ALDH1L1: variants seen among roughly 807,000 people sequenced by gnomAD.
ALDH1L1 encodes the protein cytosolic 10-formyltetrahydrofolate dehydrogenase.
Under a neutral mutation model 101.1 loss-of-function variants are expected in ALDH1L1, and 68 were observed. The observed-to-expected ratio is 0.67, with a 90% CI of 0.55 to 0.82. ALDH1L1 has a LOEUF of 0.82. Among genes scored for constraint, ALDH1L1 ranks in the 40% least tolerant of loss-of-function variants. The pLI, the probability that ALDH1L1 is intolerant of heterozygous loss-of-function variation, is 0.00. For missense variants in ALDH1L1, 1,087 were observed against 1,172.7 expected (o/e 0.93, Z 1.07); for synonymous variants, 486 against 470.8 (o/e 1.03, Z -0.42).
intron 11 of ALDH1L1, 38 bp downstream of exon 11, chr3:126,136,726 T>C: frequency 6.4e-7 from 1 of 1,553,392 alleles, no homozygotes; most frequent in Non-Finnish European, 8.7e-7. Context: ...ACAGGGAGGC[T>C]GGGGAATGTG....
intron 10 of ALDH1L1, among the ~76,000 whole-genome samples, chr3:126,137,198 T>C (rs1468415713): frequency 2.0e-5 from 3 of 152,196 alleles, no homozygotes; most frequent in African/African-American, 7.2e-5. Flanking sequence ...CCAGACATGC[T>C]ACAACCCACC....
chr3:126,112,559 T>C (rs571926796), intron 19 of ALDH1L1, among the ~76,000 whole-genome samples: 4 of 152,216 alleles, frequency 2.6e-5, no homozygotes, highest in African/African-American at 7.2e-5. Context: ...TTTTTGGTGA[T>C]GTCAGTTTTG....
intron 5 of ALDH1L1, 56 bp downstream of exon 5, chr3:126,155,346 T>C (rs2080883348): frequency 2.6e-6 from 4 of 1,526,796 alleles, no homozygotes; most frequent in African/African-American, 2.8e-5. Context: ...GGCTGCCCTC[T>C]ACAACCCCAG....
upstream of ALDH1L1, chr3:126,181,670 TTGTC>T (rs2081476261): frequency 6.5e-6 from 1 of 154,008 alleles, no homozygotes; most frequent in Non-Finnish European, 1.4e-5. Context: ...TGTTTGTTCA[TTGTC>T]TGTCTCTCCC....
At chr3:126,132,026 A>C (rs1562474) in intron 12 of ALDH1L1, among the ~76,000 whole-genome samples, 2 of 152,346 alleles carry the variant, frequency 1.3e-5, no homozygotes, top group African/African-American at 4.8e-5. Flanking sequence ...CCCCATCCCC[A>C]TCACAGAAGG....
Position 126,187,640 on chromosome 3 carries a change from G to A in ALDH1L1, c.-24+10095C>T, listed in dbSNP as rs1386719665. On this transcript the variant is annotated intron_variant, in intron 1 of 2. Transcript: ENST00000509952. The stretch of plus-strand genomic sequence containing the variant: ...CTCAAGAAGCAGGCACGGAGGAAAA[G>A]GAAACCCATCTCTGAGTTTACCCAA... Among the ~76,000 whole-genome samples the A allele has an allele frequency of 2.0e-5, 3 of 152,164 alleles. No individual in the cohort carries two copies. The East Asian group carries it at 5.8e-4, about 29-fold the overall frequency.
Position 126,130,230 on chromosome 3 carries a change from G to T in ALDH1L1, c.1687C>A (p.Pro563Thr). The change falls in exon 14 of 23, where the codon CCT becomes ACT. Residue 563 changes from proline (P) to threonine (T), a missense_variant. This residue lies in a region of ALDH1L1 where 442 missense variants were observed against 535.7 expected (regional missense o/e 0.83). Transcript: ENST00000393434. ...NRNLTLTRKE[P>T]VGVCGIIIPW... The stretch of plus-strand genomic sequence containing the variant: ...CCCTGGGCAGGAACTCACCCAACAG[G>T]CTCCTTCCTGGTCAAGGTCAGGTTG... 6.2e-7 allele frequency: 1 copy of T among 1,608,436 alleles called. No individual in the cohort carries two copies. The highest frequency in any genetic ancestry group is 1.1e-5 in the South Asian group (1 of 89,966).
chr3:126,118,106 C>A lies in ALDH1L1; in HGVS notation c.1889-8G>T. The A allele has an allele frequency of 8.6e-7, 1 of 1,159,548 alleles. No homozygotes were observed. Among genetic ancestry groups the A allele is most frequent in the Non-Finnish European group, 1.3e-6 (1 of 799,678 alleles). 71.8% of individuals were successfully genotyped at this position (1,159,548 alleles called of 1,614,324 possible). A position where few individuals can be genotyped will look rare whatever the true frequency, so the allele number is the denominator to read the frequency against. ...TCTGGCCGACCAGGGAGCCTGTGGGCGGGAGGGAGGGGGGAATCAGAGTGG... is the reference window on the plus strand; with the variant it reads ...TCTGGCCGACCAGGGAGCCTGTGGGAGGGAGGGAGGGGGGAATCAGAGTGG... On this transcript the variant is annotated splice_region_variant and splice_polypyrimidine_tract_variant and intron_variant, in intron 16 of 22. Coordinates refer to ENST00000393434, the MANE Select transcript of ALDH1L1 (RefSeq NM_012190.4).
At chr3:126,195,207 C>A (rs747894557) in intron 1 of ALDH1L1, among the ~76,000 whole-genome samples, 2 of 152,140 alleles carry the variant, frequency 1.3e-5, no homozygotes, top group Non-Finnish European at 2.9e-5. Flanking sequence ...TTTAGCAAAT[C>A]TAATATCTGA....
chr3:126,123,494 G>A (rs1244354369), intron 16 of ALDH1L1, among the ~76,000 whole-genome samples: 1 of 151,980 alleles, frequency 6.6e-6, no homozygotes, highest in Non-Finnish European at 1.5e-5. Flanking sequence ...CTGACCTCAG[G>A]TGATCCACTC....
intron 8 of ALDH1L1, among the ~76,000 whole-genome samples, chr3:126,147,286 C>T (rs1023312946): frequency 6.6e-6 from 1 of 152,202 alleles, no homozygotes; most frequent in Non-Finnish European, 1.5e-5. Flanking sequence ...CTGCTCCTGA[C>T]CCCCACTCAC....
Position 126,147,396 on chromosome 3 carries a change from G to C in ALDH1L1, c.985-470C>G, listed in dbSNP as rs147708445. 2.9e-3 allele frequency among the ~76,000 whole-genome samples: 438 copies of C among 152,338 alleles called. 2 individuals carry two copies. The highest frequency in any genetic ancestry group is 5.0e-3 in the Non-Finnish European group (338 of 68,030). On this transcript the variant is annotated intron_variant, in intron 8 of 22. Transcript: ENST00000393434. ...ACAGGGTGGGCCTGAAGGTGACTATGAGGCTCACAGATGGGTTCAGGAGAC... is the reference window on the plus strand; with the variant it reads ...ACAGGGTGGGCCTGAAGGTGACTATCAGGCTCACAGATGGGTTCAGGAGAC...
chr3:126,139,915 G>C lies in ALDH1L1; in HGVS notation c.1077-1955C>G, dbSNP rs62265178. On this transcript the variant is annotated intron_variant, in intron 9 of 22. Coordinates refer to ENST00000393434, the MANE Select transcript of ALDH1L1 (RefSeq NM_012190.4). ...TGAAAAGAGCCTGAAGGATTTATAG[G>C]ATACCATGAAACACACCAACATACT... 5.4e-3 allele frequency among the ~76,000 whole-genome samples: 811 copies of C among 151,374 alleles called. 2 individuals carry two copies. The highest frequency in any genetic ancestry group is 0.02 in the Middle Eastern group (6 of 294).
chr3:126,114,761 C>T lies in ALDH1L1; in HGVS notation c.1983-105G>A, dbSNP rs779143696. On this transcript the variant is annotated intron_variant, in intron 17 of 22. Transcript: ENST00000393434. ...GGTAGGCCCAAAGCATGCTTTGCTG[C>T]AAGAAGCAAGACCCGGCCAGTGCCT... 10 of 1,080,230 alleles carry T rather than the reference C, an allele frequency of 9.3e-6. No homozygotes were observed. The South Asian group carries it at 1.3e-4, about 14-fold the overall frequency. 66.9% of individuals were successfully genotyped at this position (1,080,230 alleles called of 1,614,324 possible).
At chr3:126,152,262 A>G (rs902750009) in intron 7 of ALDH1L1, 2 of 152,244 alleles carry the variant, frequency 1.3e-5, no homozygotes, top group South Asian at 2.1e-4. Context: ...CCCTGGGAGC[A>G]GCCCCAGGCT....
intron 4 of ALDH1L1, among the ~76,000 whole-genome samples, chr3:126,156,961 C>T (rs1290065360): frequency 6.6e-6 from 1 of 152,182 alleles, no homozygotes; most frequent in African/African-American, 2.4e-5. Flanking sequence ...ACAAATCACA[C>T]AGAGAAAAGG....
In ALDH1L1 at chr3:126,125,097, A is replaced by T. The variant is rs562299355; in HGVS notation, c.1800+519T>A. Among the ~76,000 whole-genome samples, 14 of 152,188 alleles carry T rather than the reference A, an allele frequency of 9.2e-5. No homozygotes were observed. In the South Asian group the frequency reaches 2.5e-3, roughly 27 times the overall value. The stretch of plus-strand genomic sequence containing the variant: ...CCTCACTCCCAAGGACCTTCCCAGC[A>T]TGCCTGGGTGACCCCTGACATCCCG... On this transcript the variant is annotated intron_variant, in intron 15 of 22. Coordinates refer to ENST00000393434, the MANE Select transcript of ALDH1L1 (RefSeq NM_012190.4).
At chr3:126,114,833 T>G (rs752931794) in intron 17 of ALDH1L1, 177 bp from the exon 18 acceptor site, 18 of 631,146 alleles carry the variant, frequency 2.9e-5, no homozygotes, top group South Asian at 2.8e-4. Flanking sequence ...CACCTGCCTT[T>G]CCTTTCTGGC....
At chr3:126,173,207 G>A (rs2081313732) in intron 1 of ALDH1L1, among the ~76,000 whole-genome samples, 2 of 152,100 alleles carry the variant, frequency 1.3e-5, no homozygotes, top group South Asian at 4.1e-4. Flanking sequence ...TTCTTAATCT[G>A]AGAGATAACA....
Sources: allele counts gnomAD v4.1 joint callset (sites outside exome capture counted in the v4.1 genomes callset), GRCh38; gene constraint gnomAD v4.1.1; regional missense constraint gnomAD v4.1.1; transcripts MANE v1.5; gene names NCBI Gene and HGNC (gene_info 2026-07-23, HGNC 2026-07-21).